The following SLC23A1 variants were observed in gnomAD, a reference collection of about 807,000 sequenced individuals.
The protein encoded by SLC23A1 is Na(+)/L-ascorbic acid transporter 1.
In SLC23A1, 31 loss-of-function variants were observed where a neutral mutation model predicts 62.5. The observed-to-expected ratio is 0.50, with a 90% confidence interval of 0.37 to 0.67. The LOEUF (loss-of-function observed/expected upper bound fraction) is 0.67. Ranked by LOEUF, SLC23A1 falls within the 30% of genes least tolerant of loss-of-function variation. The pLI is 0.00. For missense variants in SLC23A1, 640 were observed against 782.7 expected, an observed-to-expected ratio of 0.82 and a Z score of 2.18; for synonymous variants, 271 against 313.2, an observed-to-expected ratio of 0.87 and a Z score of 1.42.
intron 13 of SLC23A1, among the ~76,000 whole-genome samples, chr5:139,376,698 T>C (rs1757965401): frequency 6.6e-6 from 1 of 152,246 alleles, no homozygotes. Context: ...TTAGTGGCTC[T>C]TCTAGTCGCC....
chr5:139,381,916 A>T lies in SLC23A1; in HGVS notation c.284T>A (p.Leu95His), dbSNP rs1177159831. The change falls in exon 3 of 15, where the codon CTC becomes CAC. Residue 95 changes from leucine to histidine, a missense_variant. Leu to His is a moderately conservative substitution (Grantham distance 99). Coordinates refer to ENST00000348729, the MANE Select transcript of SLC23A1 (RefSeq NM_005847.5). The stretch of plus-strand genomic sequence containing the variant: ...CCGGATGCCCACGGTGGTCTGGATG[A>T]GAGTGGTGATGCCCACGCACGTGAA... ...TIFTCVGITTLIQTTVGIRLP... is the reference protein window; with the variant it reads ...TIFTCVGITTHIQTTVGIRLP... 1 of 1,569,572 alleles carries T rather than the reference A, an allele frequency of 6.4e-7. No homozygotes were observed. The highest frequency in any genetic ancestry group is 8.6e-7 in the Non-Finnish European group (1 of 1,158,518).
At chr5:139,374,372 T>C (rs1270110412) in intron 13 of SLC23A1, among the ~76,000 whole-genome samples, 1 of 152,098 alleles carries the variant, frequency 6.6e-6, no homozygotes, top group Non-Finnish European at 1.5e-5. Flanking sequence ...GGTGTGAACC[T>C]GGGAGGCACA....
intron 14 of SLC23A1, among the ~76,000 whole-genome samples, chr5:139,368,413 C>T (rs955053761): frequency 6.6e-6 from 1 of 152,026 alleles, no homozygotes; most frequent in Non-Finnish European, 1.5e-5. Flanking sequence ...CCTGTAGTCC[C>T]AGCTACTCAG....
At chr5:139,384,438 A>G, upstream of SLC23A1, 2 of 1,289,782 alleles carry the variant, frequency 1.6e-6, no homozygotes, top group Non-Finnish European at 2.0e-6. Context: ...CAGCAGCTTC[A>G]TGCCACAGCA....
chr5:139,380,333 C>T lies in SLC23A1; in HGVS notation c.522G>A (p.Gly174=), dbSNP rs1262368350. ...SVVEVVIGLL[G]LPGALLNYIG... is the part of the protein sequence containing the mutation. ...TGTAGTTGAGCAGGGCCCCAGGCAG[C>T]CCCAGCAGGCCAATCACCACCTCCA... The change falls in exon 6 of 15, where the codon GGG becomes GGA. Residue 174 remains glycine (G), a synonymous_variant. Coordinates refer to ENST00000348729, the MANE Select transcript of SLC23A1 (RefSeq NM_005847.5). The T allele has an allele frequency of 6.2e-6, 10 of 1,611,002 alleles. No individual in the cohort carries two copies. The highest frequency in any genetic ancestry group is 2.2e-5 in the East Asian group (1 of 44,792).
At chr5:139,368,866 T>TA in intron 14 of SLC23A1, 1 of 1,165,800 alleles carries the variant, frequency 8.6e-7, no homozygotes, top group South Asian at 1.3e-5. Context: ...TTAGAAGACT[T>TA]AATTGTAAAA....
intron 14 of SLC23A1, chr5:139,368,596 T>G: frequency 1.6e-6 from 1 of 618,690 alleles, no homozygotes; most frequent in East Asian, 2.8e-5. Flanking sequence ...TCTTCCTTTT[T>G]GGGGTTTAGT....
In SLC23A1 at chr5:139,368,365, TAA is replaced by T. The variant is rs780504264; in HGVS notation, c.*20-736_*20-735del. Among the ~76,000 whole-genome samples, 257 of 148,150 alleles carry T rather than the reference TAA, an allele frequency of 1.7e-3. 3 individuals carry two copies. Among genetic ancestry groups the T allele is most frequent in the East Asian group, 0.015 (76 of 4,976 alleles). On this transcript the variant is annotated intron_variant, in intron 14 of 14. Transcript: ENST00000348729. ...ATAAAAAAAAAACTAAATAAATAAA[TAA>T]AAATACAAAAAATTAGTTGGGTGTG... is the stretch of plus-strand genomic sequence containing the variant.
Position 139,380,025 on chromosome 5 carries a change from G to A in SLC23A1, c.699C>T (p.Phe233=), listed in dbSNP as rs1193288446. The change falls in exon 7 of 15, where the codon TTC becomes TTT. Residue 233 remains phenylalanine, a synonymous_variant. Coordinates refer to ENST00000348729, the MANE Select transcript of SLC23A1 (RefSeq NM_005847.5). ...TGCCCCAGCGGTAGACAGGCAGCAG[G>A]AAGGTGAGGTTGCGCAGGTACTGGG... is the stretch of plus-strand genomic sequence containing the variant. ...LFSQYLRNLT[F]LLPVYRWGKG... is the part of the protein sequence containing the mutation. 2 of 1,614,092 alleles carry A rather than the reference G, an allele frequency of 1.2e-6. No individual in the cohort carries two copies. Among genetic ancestry groups the A allele is most frequent in the South Asian group, 2.2e-5 (2 of 91,072 alleles).
At chr5:139,380,490 A>T in intron 5 of SLC23A1, 75 bp downstream of exon 5, 1 of 1,592,092 alleles carries the variant, frequency 6.3e-7, no homozygotes, top group Non-Finnish European at 8.6e-7. Flanking sequence ...AAATCCCCAA[A>T]CTCAGCGGCC....
In SLC23A1 at chr5:139,378,243, C is replaced by G; in HGVS notation, c.1288G>C (p.Gly430Arg). The change falls in exon 11 of 15, where the codon GGC becomes CGC. Residue 430 changes from glycine (G) to arginine (R), a missense_variant. By Grantham distance (125) the Gly-to-Arg change is moderately radical (BLOSUM62 -2). Transcript: ENST00000348729. This position sits in a 1 kb window ranked among gnomAD's most constrained non-coding sequence, Gnocchi z 4.5. ...TCACCAAAGAGAGTGCAGAACATGC[C>G]CCCCAGGATGGGGTCAGGGAGCGAG... ...FASLPDPILG[G>R]MFCTLFGMIT... 1.2e-6 allele frequency: 2 copies of G among 1,612,422 alleles called. No individual in the cohort carries two copies. The highest frequency in any genetic ancestry group is 2.2e-5 in the East Asian group (1 of 44,808).
In SLC23A1 at chr5:139,378,253, G is replaced by A. The variant is rs1054129869; in HGVS notation, c.1278C>T (p.Pro426=). ...FTALFASLPD[P]ILGGMFCTLF... is the part of the protein sequence containing the mutation. ...GAGTGCAGAACATGCCCCCCAGGAT[G>A]GGGTCAGGGAGCGAGGCGAAGAGGG... The change falls in exon 11 of 15, where the codon CCC becomes CCT. Residue 426 remains proline, a synonymous_variant. Coordinates refer to ENST00000348729, the MANE Select transcript of SLC23A1 (RefSeq NM_005847.5). This position sits in a 1 kb window ranked among gnomAD's most constrained non-coding sequence, Gnocchi z 4.5. The A allele has an allele frequency of 1.9e-6, 3 of 1,611,532 alleles. No homozygotes were observed. Among genetic ancestry groups the A allele is most frequent in the African/African-American group, 2.7e-5 (2 of 74,868 alleles).
chr5:139,380,134 G>A lies in SLC23A1; in HGVS notation c.648-58C>T, dbSNP rs375573698. On this transcript the variant is annotated intron_variant, in intron 6 of 14. Transcript: ENST00000348729. ...GGAGGCCAGGCTGGGGCCAGGAGCC[G>A]GGAAGAAGGACCAAGGACATGAAGA... 341 of 1,570,836 alleles carry A rather than the reference G, an allele frequency of 2.2e-4. 1 individual carries two copies. The East Asian group carries it at 5.3e-3, about 24-fold the overall frequency.
At position 139,368,972 on chromosome 5, in the gene SLC23A1, C is replaced by G. The variant is rs556352094; in HGVS notation, c.*20-1341G>C. On this transcript the variant is annotated intron_variant, in intron 14 of 14. Coordinates refer to ENST00000348729, the MANE Select transcript of SLC23A1 (RefSeq NM_005847.5). ...GCTGAGACTGTTACTAAGTAAAAAGCTGTCAAACATTTACTGAAAATAGAA... is the reference window on the plus strand; with the variant it reads ...GCTGAGACTGTTACTAAGTAAAAAGGTGTCAAACATTTACTGAAAATAGAA... 5 of 506,278 alleles carry G rather than the reference C, an allele frequency of 9.9e-6. No individual in the cohort carries two copies. In the East Asian group the frequency reaches 1.7e-4, roughly 17 times the overall value. The allele number at this position is 506,278 out of a possible 1,614,324, so 31.4% of individuals were successfully genotyped here. A position where few individuals can be genotyped will look rare whatever the true frequency, so the allele number is the denominator to read the frequency against.
intron 14 of SLC23A1, among the ~76,000 whole-genome samples, chr5:139,368,320 A>G (rs2152058939): frequency 6.6e-6 from 1 of 152,254 alleles, no homozygotes; most frequent in Middle Eastern, 3.4e-3. Flanking sequence ...AGCCTGGGTG[A>G]CAGAGTGAGA....
chr5:139,383,175 A>AC (rs746915910), intron 1 of SLC23A1, 43 bp downstream of exon 1: 79 of 228,288 alleles, frequency 3.5e-4, no homozygotes, highest in Admixed American at 9.5e-5. Context: ...CCAGCCCCCC[A>AC]CCCCCCCTGC....
intron 13 of SLC23A1, among the ~76,000 whole-genome samples, chr5:139,372,684 A>G (rs923953929): frequency 3.9e-5 from 6 of 151,990 alleles, no homozygotes; most frequent in African/African-American, 1.5e-4. Flanking sequence ...TCCCGGGTTT[A>G]AGCGATTATC....
rs367973515 is a variant in SLC23A1 at position 139,382,600 on chromosome 5, T to G, written c.42A>C (p.Glu14Asp). 7 of 1,603,984 alleles carry G rather than the reference T, an allele frequency of 4.4e-6. No individual in the cohort carries two copies. The African/African-American group carries it at 6.7e-5, about 15-fold the overall frequency. The change falls in exon 2 of 15, where the codon GAA (glutamate) becomes GAC (aspartate). Residue 14 changes from glutamate to aspartate, a missense_variant. Coordinates refer to ENST00000348729, the MANE Select transcript of SLC23A1 (RefSeq NM_005847.5). ...GCGGGGTCGAGGGGTCCCTGGTGGTTTCATGCTGGAGGCAGCAGAGATAAG... is the reference window on the plus strand; with the variant it reads ...GCGGGGTCGAGGGGTCCCTGGTGGTGTCATGCTGGAGGCAGCAGAGATAAG... Reference protein sequence around the residue: ...QEDLEGRTQHETTRDPSTPLP... With the variant: ...QEDLEGRTQHDTTRDPSTPLP...
upstream of SLC23A1, chr5:139,383,479 C>T: frequency 1.4e-6 from 1 of 713,794 alleles, no homozygotes; most frequent in Non-Finnish European, 1.7e-6. Flanking sequence ...CTTCCCTGCC[C>T]ACATCTGCGC....
Sources: gnomAD v4.1 joint callset for allele counts (sites outside exome capture counted in the v4.1 genomes callset) on GRCh38, gnomAD v4.1.1 for gene constraint, Gnocchi (gnomAD v3.1) non-coding constraint, MANE v1.5 for transcripts, NCBI Gene and HGNC (gene_info 2026-07-23, HGNC 2026-07-21) for gene names.